Variants in LRRC28 observed in about 807,000 individuals in gnomAD.
LRRC28 encodes the protein leucine rich repeat containing 28.
Under a neutral mutation model 45.7 loss-of-function variants are expected in LRRC28, and 39 were observed. That is an observed-to-expected ratio of 0.85 (90% CI 0.66 to 1.12). The LOEUF (loss-of-function observed/expected upper bound fraction) is 1.12. Among genes scored for constraint, LRRC28 ranks in the 50% most tolerant of loss-of-function variants. The probability of loss-of-function intolerance (pLI) is 0.00; values close to 1 mark genes in which losing one functional copy is unlikely to be tolerated. For synonymous variants in LRRC28, 206 were observed against 178.8 expected (o/e 1.15, Z -1.22); for missense variants, 435 against 438.5 (o/e 0.99, Z 0.07).
chr15:99,283,207 T>C lies in LRRC28; in HGVS notation c.210-4050T>C, dbSNP rs2081857328. ...CACACCCAAACTAAAAATTATTTTT[T>C]AAAACTTTTTTTATTTTGGAACAAT... On this transcript the variant is annotated intron_variant, in intron 3 of 9. Transcript: ENST00000301981. Among the ~76,000 whole-genome samples the C allele has an allele frequency of 2.0e-5, 3 of 152,126 alleles. No individual in the cohort carries two copies. The South Asian group carries it at 6.2e-4, about 32-fold the overall frequency.
At chr15:99,252,605 G>T (rs940346378) in intron 1 of LRRC28, among the ~76,000 whole-genome samples, 3 of 152,162 alleles carry the variant, frequency 2.0e-5, no homozygotes, top group Non-Finnish European at 4.4e-5. Context: ...TCTACAAAAC[G>T]GGCTACATAA....
chr15:99,376,997 A>C (rs564456668), intron 9 of LRRC28, among the ~76,000 whole-genome samples: 1 of 152,206 alleles, frequency 6.6e-6, no homozygotes, highest in Non-Finnish European at 1.5e-5. Context: ...TAGTGCCGCA[A>C]TAAACATACG....
In LRRC28 at chr15:99,361,395, G is replaced by A. The variant is rs747547154; in HGVS notation, c.755G>A (p.Arg252Gln). 17 of 1,613,854 alleles carry A rather than the reference G, an allele frequency of 1.1e-5. No homozygotes were observed. The highest frequency in any genetic ancestry group is 3.3e-4 in the Middle Eastern group (2 of 5,994). ...VKLLSFSSGQ[R>Q]TVFLPAEVKA... ...CTGCTTTCCTTTTCATCAGGGCAGC[G>A]AACCGTTTTCCTCCCAGCTGAGGTG... Residue 252 changes from arginine to glutamine, a missense_variant, in exon 8 of 10, where the codon CGA (arginine) becomes CAA (glutamine). Transcript: ENST00000301981.
intron 5 of LRRC28, among the ~76,000 whole-genome samples, chr15:99,328,777 G>A (rs1169989895): frequency 6.7e-6 from 1 of 150,354 alleles, no homozygotes; most frequent in Non-Finnish European, 1.5e-5. Context: ...TGCTGCCTTA[G>A]ACATTAAAAT....
chr15:99,384,267 A>T (rs904131692), intron 9 of LRRC28: 6 of 152,202 alleles, frequency 3.9e-5, no homozygotes, highest in African/African-American at 1.4e-4. Context: ...GAAGGTGGAA[A>T]GGTCTGTTTC....
chr15:99,260,930 T>C (rs561689117), intron 2 of LRRC28, among the ~76,000 whole-genome samples: 94 of 152,346 alleles, frequency 6.2e-4, no homozygotes, highest in Non-Finnish European at 1.1e-3. Context: ...ATTTTTTGTT[T>C]GTTTGTTTCC....
At chr15:99,341,885 A>G (rs944880863) in intron 6 of LRRC28, among the ~76,000 whole-genome samples, 1 of 152,190 alleles carries the variant, frequency 6.6e-6, no homozygotes, top group African/African-American at 2.4e-5. Flanking sequence ...AAGAATCTGG[A>G]GTCTCCATCA....
rs1368929778 is a variant in LRRC28, at chr15:99,259,073, G to T, written c.168+2948G>T. 1.7e-5 allele frequency: 18 copies of T among 1,048,178 alleles called. 1 individual carries two copies. The South Asian group carries it at 1.8e-4, about 10-fold the overall frequency. The allele number at this position is 1,048,178 out of a possible 1,614,324, so 64.9% of individuals were successfully genotyped here. On this transcript the variant is annotated intron_variant, in intron 2 of 9. Coordinates refer to ENST00000301981, the MANE Select transcript of LRRC28 (RefSeq NM_144598.5). ...GAAATACAATGATACTTTTTGGAAAGAATTTGGTACCAACATTAAGCTTGG... is the reference window on the plus strand; with the variant it reads ...GAAATACAATGATACTTTTTGGAAATAATTTGGTACCAACATTAAGCTTGG...
intron 7 of LRRC28, chr15:99,354,118 C>T (rs1956973509): frequency 6.6e-6 from 1 of 152,080 alleles, no homozygotes; most frequent in African/African-American, 2.4e-5. Context: ...AATAAGCAGT[C>T]CTACTTACAA....
Position 99,387,162 on chromosome 15 carries a change from G to T in LRRC28, c.*1060G>T, listed in dbSNP as rs181482153. On this transcript the variant is annotated 3_prime_UTR_variant, in exon 10 of 10. Transcript: ENST00000301981. ...TGCAAGCTCCGCCTCCCGGGTTCAC[G>T]CCATTCTCCTGCCTCAGCCTCCCAA... The T allele has an allele frequency of 2.7e-5, 4 of 149,192 alleles. No individual in the cohort carries two copies. The highest frequency in any genetic ancestry group is 6.0e-5 in the Non-Finnish European group (4 of 67,102). The allele number at this position is 149,192 out of a possible 1,614,324, so 9.2% of individuals were successfully genotyped here. A position where few individuals can be genotyped will look rare whatever the true frequency, so the allele number is the denominator to read the frequency against.
chr15:99,372,728 T>C (rs190810004), intron 9 of LRRC28, among the ~76,000 whole-genome samples: 4 of 152,286 alleles, frequency 2.6e-5, no homozygotes, highest in African/African-American at 4.8e-5. Context: ...CGTATCTTCA[T>C]GGAATTGAAT....
intron 6 of LRRC28, among the ~76,000 whole-genome samples, chr15:99,341,083 C>CTTTTTTTT (rs528372394): frequency 2.7e-4 from 27 of 100,504 alleles, no homozygotes; most frequent in Non-Finnish European, 3.8e-4. Context: ...ATTCTACTGT[C>CTTTTTTTT]TTTTTTTTTT....
intron 3 of LRRC28, among the ~76,000 whole-genome samples, chr15:99,283,239 T>A (rs1463675636): frequency 1.3e-5 from 2 of 152,048 alleles, no homozygotes; most frequent in African/African-American, 4.8e-5. Flanking sequence ...CAATTTTATA[T>A]TTATAGAAAA....
chr15:99,290,438 G>A (rs2082091948), intron 5 of LRRC28, among the ~76,000 whole-genome samples: 1 of 152,000 alleles, frequency 6.6e-6, no homozygotes, highest in Non-Finnish European at 1.5e-5. Context: ...GGCCAATGGT[G>A]TTTCATCATT....
At chr15:99,297,845 A>C (rs1343468236) in intron 5 of LRRC28, among the ~76,000 whole-genome samples, 1 of 152,018 alleles carries the variant, frequency 6.6e-6, no homozygotes, top group Non-Finnish European at 1.5e-5. Context: ...AACTTTTACA[A>C]GCTTTGAAAA....
intron 2 of LRRC28, among the ~76,000 whole-genome samples, chr15:99,271,924 T>A (rs2081492053): frequency 6.6e-6 from 1 of 152,228 alleles, no homozygotes; most frequent in South Asian, 2.1e-4. Context: ...CTGTTGCTGC[T>A]CATGCTTTTG....
intron 9 of LRRC28, among the ~76,000 whole-genome samples, chr15:99,379,267 A>G (rs1957741664): frequency 6.6e-6 from 1 of 152,002 alleles, no homozygotes; most frequent in Non-Finnish European, 1.5e-5. Context: ...TAGTCTTGGG[A>G]GGGTGTATGT....
chr15:99,363,137 C>T lies in LRRC28; in HGVS notation c.903C>T (p.Pro301=). The T allele has an allele frequency of 1.9e-6, 3 of 1,613,298 alleles. No homozygotes were observed. Among genetic ancestry groups the T allele is most frequent in the Non-Finnish European group, 2.5e-6 (3 of 1,179,592 alleles). The change falls in exon 9 of 10, where the codon CCC becomes CCT. Residue 301 remains proline (P), a synonymous_variant. Coordinates refer to ENST00000301981, the MANE Select transcript of LRRC28 (RefSeq NM_144598.5). The part of the protein sequence containing the change: ...DLNFLSPISL[P]RSLLELLHCP... ...ACTTTCTGTCTCCAATCTCATTACC[C>T]AGAAGTCTCCTAGAGCTGCTGCACT...
At chr15:99,370,209 A>G (rs1567704753) in intron 9 of LRRC28, among the ~76,000 whole-genome samples, 1 of 152,242 alleles carries the variant, frequency 6.6e-6, no homozygotes, top group Non-Finnish European at 1.5e-5. Flanking sequence ...GTGCTGTTCA[A>G]TTAGCTACTA....
Sources: gnomAD v4.1 joint callset for allele counts (sites outside exome capture counted in the v4.1 genomes callset) on GRCh38, gnomAD v4.1.1 for gene constraint, MANE v1.5 for transcripts, NCBI Gene and HGNC (gene_info 2026-07-23, HGNC 2026-07-21) for gene names.